NELL1: variants seen among roughly 807,000 people sequenced by gnomAD.
The protein encoded by NELL1 is protein kinase C-binding protein NELL1.
Under a neutral mutation model 107.4 loss-of-function variants are expected in NELL1, and 76 were observed. The ratio of observed to expected loss-of-function variants is 0.71; its 90% CI spans 0.59 to 0.86. The LOEUF is 0.86. NELL1 is among the 40% of genes least tolerant of loss of function. NELL1 has a pLI of 0.00. For synonymous variants in NELL1, 353 were observed against 341.2 expected (o/e 1.03, Z -0.38); for missense variants, 1,024 against 1,005.5 (o/e 1.02, Z -0.25).
chr11:20,816,476 G>A (rs968838034), intron 3 of NELL1, among the ~76,000 whole-genome samples: 2 of 152,114 alleles, frequency 1.3e-5, no homozygotes, highest in African/African-American at 4.8e-5. Context: ...AAATGCTGCT[G>A]ATTTTTGTAC....
intron 12 of NELL1, among the ~76,000 whole-genome samples, chr11:21,102,373 A>T (rs1228320941): frequency 1.3e-5 from 2 of 152,168 alleles, no homozygotes; most frequent in Non-Finnish European, 2.9e-5. Flanking sequence ...CTTAGAGGTA[A>T]TGTCACTCTA....
Position 21,302,839 on chromosome 11 carries a change from T to A in NELL1, c.1550-68014T>A, listed in dbSNP as rs1457361943. The stretch of plus-strand genomic sequence containing the variant: ...GGAAGGCCTAGGTGGGAGGATCACT[T>A]GATGTGAGGAGTTTGAGATCAGCCT... On this transcript the variant is annotated intron_variant, in intron 14 of 19. Transcript: ENST00000357134. Among the ~76,000 whole-genome samples, 9 of 151,660 alleles carry A rather than the reference T, an allele frequency of 5.9e-5. No individual in the cohort carries two copies. The East Asian group carries it at 1.8e-3, about 30-fold the overall frequency.
intron 12 of NELL1, among the ~76,000 whole-genome samples, chr11:20,971,101 C>T (rs563979692): frequency 6.6e-6 from 1 of 152,042 alleles, no homozygotes; most frequent in Non-Finnish European, 1.5e-5. Context: ...AACTCAGATA[C>T]CTGGCATTTT....
chr11:20,721,181 G>GTATATATATATATATATATA lies in NELL1; in HGVS notation c.184+43137_184+43138insTATATATATATATATATATA, dbSNP rs137948986. Among the ~76,000 whole-genome samples the GTATATATATATATATATATA allele has an allele frequency of 9.2e-3, 1,156 of 125,612 alleles. 30 individuals carry two copies. The highest frequency in any genetic ancestry group is 0.03 in the African/African-American group (819 of 27,700). 82.4% of individuals were successfully genotyped at this position (125,612 alleles called of 152,430 possible). A position where few individuals can be genotyped will look rare whatever the true frequency, so the allele number is the denominator to read the frequency against. On this transcript the variant is annotated intron_variant, in intron 2 of 19. Transcript: ENST00000357134. ...AATGAGATATAGATATATATTTTGTGTATATATATATATATAGTGTATATA... is the reference window on the plus strand; with the variant it reads ...AATGAGATATAGATATATATTTTGTGTATATATATATATATATATATATATATATATATATAGTGTATATA...
chr11:21,196,256 A>G lies in NELL1; in HGVS notation c.1427-33076A>G, dbSNP rs7129452. 3.7e-3 allele frequency among the ~76,000 whole-genome samples: 560 copies of G among 152,272 alleles called. 3 individuals carry two copies. The highest frequency in any genetic ancestry group is 0.012 in the African/African-American group (502 of 41,560). The stretch of plus-strand genomic sequence containing the variant: ...GATATGCCAGGCACAGTGCTAAGCA[A>G]TTCTTACAGAGGTTGACGGAAAGTC... On this transcript the variant is annotated intron_variant, in intron 13 of 19. Coordinates refer to ENST00000357134, the MANE Select transcript of NELL1 (RefSeq NM_006157.5).
intron 5 of NELL1, among the ~76,000 whole-genome samples, chr11:20,914,804 A>G (rs1028575190): frequency 6.6e-6 from 1 of 152,042 alleles, no homozygotes; most frequent in African/African-American, 2.4e-5. Context: ...TAAATTTCTC[A>G]TAGGTCATAT....
intron 2 of NELL1, among the ~76,000 whole-genome samples, chr11:20,731,087 A>G (rs1444609066): frequency 4.3e-5 from 2 of 46,102 alleles, no homozygotes; most frequent in South Asian, 1.1e-3. Context: ...TCAGGATTCT[A>G]TGATAATTTC....
At chr11:20,790,805 G>A (rs796211879) in intron 3 of NELL1, among the ~76,000 whole-genome samples, 4 of 152,262 alleles carry the variant, frequency 2.6e-5, no homozygotes, top group African/African-American at 9.6e-5. Context: ...GAAGGGGCGG[G>A]GCTTCTGCTT....
At chr11:21,459,357 CAAA>C (rs59022976) in intron 15 of NELL1, among the ~76,000 whole-genome samples, 1 of 124,604 alleles carries the variant, frequency 8.0e-6, no homozygotes, top group South Asian at 2.7e-4. Flanking sequence ...TGTTCACTAG[CAAA>C]AAAAAAAAAA....
intron 16 of NELL1, among the ~76,000 whole-genome samples, chr11:21,556,469 T>C (rs1417992577): frequency 6.6e-6 from 1 of 152,016 alleles, no homozygotes; most frequent in Non-Finnish European, 1.5e-5. Flanking sequence ...GTGGTTATGC[T>C]ATTAAAAATT....
At chr11:20,890,414 T>TG (rs908392158) in intron 5 of NELL1, among the ~76,000 whole-genome samples, 1 of 151,922 alleles carries the variant, frequency 6.6e-6, no homozygotes, top group Non-Finnish European at 1.5e-5. Context: ...AAAGAATCAA[T>TG]GAAAAAATTC....
intron 12 of NELL1, among the ~76,000 whole-genome samples, chr11:21,055,063 G>A (rs1853581028): frequency 6.6e-6 from 1 of 151,880 alleles, no homozygotes; most frequent in African/African-American, 2.4e-5. Context: ...GTGTGAGGTA[G>A]GTGTCTAATG....
At chr11:20,798,708 A>T (rs1038859117) in intron 3 of NELL1, among the ~76,000 whole-genome samples, 1 of 152,212 alleles carries the variant, frequency 6.6e-6, no homozygotes, top group Non-Finnish European at 1.5e-5. Context: ...AGGGTGGTGC[A>T]ATGACAGTGA....
chr11:20,823,315 C>CT (rs1181945355), intron 3 of NELL1, among the ~76,000 whole-genome samples: 3 of 151,090 alleles, frequency 2.0e-5, no homozygotes, highest in African/African-American at 4.8e-5. Context: ...TCTACCACCA[C>CT]TAGAACAGTA....
chr11:21,240,251 A>C (rs574193213), intron 14 of NELL1, among the ~76,000 whole-genome samples: 56 of 152,208 alleles, frequency 3.7e-4, no homozygotes, highest in South Asian at 4.1e-4. Flanking sequence ...TACTGTTAAC[A>C]TGATTATTAA....
chr11:21,208,409 T>C (rs1857433136), intron 13 of NELL1, among the ~76,000 whole-genome samples: 1 of 150,524 alleles, frequency 6.6e-6, no homozygotes, highest in African/African-American at 2.4e-5. Context: ...CACAATTATA[T>C]ATAAATGATG....
intron 2 of NELL1, among the ~76,000 whole-genome samples, chr11:20,704,379 A>G (rs1229493926): frequency 6.6e-6 from 1 of 151,702 alleles, no homozygotes; most frequent in Non-Finnish European, 1.5e-5. Context: ...CCATCCTTTT[A>G]TTTTGAGCCT....
At chr11:21,357,241 A>T (rs1391048280) in intron 14 of NELL1, among the ~76,000 whole-genome samples, 1 of 152,176 alleles carries the variant, frequency 6.6e-6, no homozygotes, top group Non-Finnish European at 1.5e-5. Context: ...ACTGTTTTCT[A>T]TAGTGGTTGT....
chr11:20,700,028 A>G (rs895811810), intron 2 of NELL1, among the ~76,000 whole-genome samples: 2 of 108,570 alleles, frequency 1.8e-5, no homozygotes, highest in Non-Finnish European at 1.9e-5. Flanking sequence ...TTCCCTGATA[A>G]TTAGGGACGT....
Sources: allele counts gnomAD v4.1 joint callset (sites outside exome capture counted in the v4.1 genomes callset), GRCh38; gene constraint gnomAD v4.1.1; transcripts MANE v1.5; gene names NCBI Gene and HGNC (gene_info 2026-07-23, HGNC 2026-07-21).